The following PLCZ1 variants were observed in gnomAD, a reference collection of about 807,000 sequenced individuals.
The protein encoded by PLCZ1 is 1-phosphatidylinositol 4,5-bisphosphate phosphodiesterase zeta-1.
In PLCZ1, 64 loss-of-function variants were observed where a neutral mutation model predicts 76.8. That is an observed-to-expected ratio of 0.83 (90% CI 0.68 to 1.03). The LOEUF is 1.03. Among genes scored for constraint, PLCZ1 ranks in the 50% least tolerant of loss-of-function variants. PLCZ1 has a pLI of 0.00. For synonymous variants in PLCZ1, 248 were observed against 230.8 expected, an observed-to-expected ratio of 1.07 and a Z score of -0.68; for missense variants, 751 against 713.7, an observed-to-expected ratio of 1.05 and a Z score of -0.60.
chr12:18,733,948 G>A (rs1272199165), intron 3 of PLCZ1, among the ~76,000 whole-genome samples: 1 of 152,082 alleles, frequency 6.6e-6, no homozygotes, highest in Non-Finnish European at 1.5e-5. Flanking sequence ...TGGTTATTCA[G>A]GGTCTTTTTT....
chr12:18,680,653 GGAA>G (rs1952326475), downstream of PLCZ1, among the ~76,000 whole-genome samples: 1 of 152,052 alleles, frequency 6.6e-6, no homozygotes, highest in Non-Finnish European at 1.5e-5. Context: ...ACAAGATAAT[GGAA>G]GAAGTCAGAA....
intron 12 of PLCZ1, among the ~76,000 whole-genome samples, chr12:18,691,764 C>A (rs1452037029): frequency 2.0e-5 from 3 of 152,108 alleles, no homozygotes; most frequent in Non-Finnish European, 4.4e-5. Flanking sequence ...ACCAACAATC[C>A]AGTGTTGTAG....
chr12:18,704,833 C>T (rs1003105336), intron 7 of PLCZ1, among the ~76,000 whole-genome samples: 3 of 151,974 alleles, frequency 2.0e-5, no homozygotes, highest in African/African-American at 7.2e-5. Context: ...TATTTATAGT[C>T]TAGAACTTTT....
At chr12:18,669,976 C>A in the PLCZ1 span, among the ~76,000 whole-genome samples, 1 of 152,000 alleles carries the variant, frequency 6.6e-6, no homozygotes, top group South Asian at 2.1e-4. Flanking sequence ...CCCTCTTCCT[C>A]TTCTTATAAG....
At chr12:18,668,780 G>A in the PLCZ1 span, among the ~76,000 whole-genome samples, 1 of 152,130 alleles carries the variant, frequency 6.6e-6, no homozygotes, top group Admixed American at 6.5e-5. Flanking sequence ...GCTGCCTGCT[G>A]ATATTCACCT....
At chr12:18,699,118 G>A (rs540019922) in intron 10 of PLCZ1, among the ~76,000 whole-genome samples, 1 of 152,150 alleles carries the variant, frequency 6.6e-6, no homozygotes, top group Admixed American at 6.5e-5. Context: ...TAGAGGCAGT[G>A]AAAGGAAGAT....
Position 18,694,773 on chromosome 12 carries a change from A to G in PLCZ1, c.1461+137T>C. 6.0e-6 allele frequency: 4 copies of G among 667,762 alleles called. No homozygotes were observed. In the South Asian group the frequency reaches 8.7e-5, roughly 14 times the overall value. The allele number at this position is 667,762 out of a possible 1,614,324, so 41.4% of individuals were successfully genotyped here. The stretch of plus-strand genomic sequence containing the variant: ...AGATATAGAAGGATGCTGGAATACT[A>G]CCCACATATAGTACCTGAAAAGATT... On this transcript the variant is annotated intron_variant, in intron 12 of 14. Transcript: ENST00000266505.
At chr12:18,661,067 T>C in the PLCZ1 span, among the ~76,000 whole-genome samples, 12 of 152,050 alleles carry the variant, frequency 7.9e-5, no homozygotes, top group African/African-American at 2.2e-4. Flanking sequence ...GTTAGAAGAA[T>C]TGATGAACTT....
chr12:18,716,452 A>C (rs1316734657), intron 5 of PLCZ1, among the ~76,000 whole-genome samples: 1 of 152,184 alleles, frequency 6.6e-6, no homozygotes, highest in African/African-American at 2.4e-5. Flanking sequence ...TTACATGTGG[A>C]GGCACCCAAG....
At chr12:18,693,574 C>T (rs1382019784) in intron 12 of PLCZ1, 22 of 1,598,318 alleles carry the variant, frequency 1.4e-5, no homozygotes, top group East Asian at 6.7e-5. Flanking sequence ...GGCCCAAACT[C>T]GGACGGGAAT....
At chr12:18,693,219 T>G in intron 12 of PLCZ1, 1 of 1,571,746 alleles carries the variant, frequency 6.4e-7, no homozygotes, top group Non-Finnish European at 8.8e-7. Flanking sequence ...GGAACCTGGC[T>G]GCTCGGTCAG....
At chr12:18,736,389 G>A in intron 2 of PLCZ1, 45 bp from the exon 3 acceptor site, 2 of 1,583,320 alleles carry the variant, frequency 1.3e-6, no homozygotes, top group Non-Finnish European at 1.7e-6. Flanking sequence ...GAAAGTCATT[G>A]AATATTTAAA....
intron 3 of PLCZ1, among the ~76,000 whole-genome samples, chr12:18,734,740 T>A (rs577501498): frequency 6.6e-6 from 1 of 152,356 alleles, no homozygotes; most frequent in Non-Finnish European, 1.5e-5. Flanking sequence ...TCTGCCTTTT[T>A]AATTTAATTG....
the PLCZ1 span, among the ~76,000 whole-genome samples, chr12:18,672,829 G>A: frequency 3.3e-5 from 5 of 152,128 alleles, no homozygotes; most frequent in Admixed American, 2.0e-4. Context: ...GAAATGCTTC[G>A]ATGTAGTCCA....
At chr12:18,680,822 T>A (rs1035018577), downstream of PLCZ1, among the ~76,000 whole-genome samples, 1 of 151,868 alleles carries the variant, frequency 6.6e-6, no homozygotes, top group African/African-American at 2.4e-5. Flanking sequence ...CTGGGGGAGA[T>A]TTCAAAAAAG....
chr12:18,684,789 C>A (rs2137048245), intron 13 of PLCZ1, among the ~76,000 whole-genome samples: 1 of 152,090 alleles, frequency 6.6e-6, no homozygotes, highest in South Asian at 2.1e-4. Flanking sequence ...CAAATCTCAT[C>A]TTGAATTGTA....
chr12:18,736,969 A>C (rs7964062), intron 2 of PLCZ1, among the ~76,000 whole-genome samples: 2,467 of 152,280 alleles, frequency 0.016, 77 homozygotes, highest in African/African-American at 0.056. Context: ...AATTTTTAAA[A>C]GCTTACTTAT....
At chr12:18,657,999 T>C in the PLCZ1 span, among the ~76,000 whole-genome samples, 1 of 151,874 alleles carries the variant, frequency 6.6e-6, no homozygotes, top group African/African-American at 2.4e-5. Flanking sequence ...TAAAGAGACA[T>C]ATTATGAAGT....
chr12:18,650,750 A>G, the PLCZ1 span, among the ~76,000 whole-genome samples: 24,202 of 82,022 alleles, frequency 0.3, 3,623 homozygotes, highest in East Asian at 0.42. Flanking sequence ...ATATATATAT[A>G]TATATATATA....
Sources: allele counts gnomAD v4.1 joint callset (sites outside exome capture counted in the v4.1 genomes callset), GRCh38; gene constraint gnomAD v4.1.1; transcripts MANE v1.5; gene names NCBI Gene and HGNC (gene_info 2026-07-23, HGNC 2026-07-21).